The following VIPAS39 variants were observed in gnomAD, a reference collection of about 807,000 sequenced individuals.
VIPAS39 encodes spermatogenesis-defective protein 39 homolog.
VIPAS39 carries 63 observed loss-of-function variants against 84.7 expected under a neutral mutation model. The ratio of observed to expected loss-of-function variants is 0.74; its 90% CI spans 0.61 to 0.92. The LOEUF (loss-of-function observed/expected upper bound fraction) is 0.92. VIPAS39 is among the 40% of genes least tolerant of loss of function. The probability of loss-of-function intolerance (pLI) is 0.00; values close to 1 mark genes in which losing one functional copy is unlikely to be tolerated. For missense variants in VIPAS39, 499 were observed against 604.5 expected, an observed-to-expected ratio of 0.83 and a Z score of 1.83; for synonymous variants, 192 against 216.5, an observed-to-expected ratio of 0.89 and a Z score of 0.99.
intron 1 of VIPAS39, 133 bp downstream of exon 1, chr14:77,457,362 C>G (rs1458209347): frequency 3.9e-6 from 6 of 1,535,682 alleles, no homozygotes; most frequent in Non-Finnish European, 5.2e-6. Flanking sequence ...AAGGGTCGCC[C>G]TGACTGAAAG....
In VIPAS39 at chr14:77,435,735, T is replaced by C. The variant is rs374658395; in HGVS notation, c.912+109A>G. Reference sequence around the variant, plus strand: ...GTACAGGCAGAAAATGAAAGGCTTTTAGAAACCAGTAAGAAATGACCCACG... The same window carrying C: ...GTACAGGCAGAAAATGAAAGGCTTTCAGAAACCAGTAAGAAATGACCCACG... On this transcript the variant is annotated intron_variant, in intron 13 of 19. Transcript: ENST00000557658. 15 of 1,263,102 alleles carry C rather than the reference T, an allele frequency of 1.2e-5. No homozygotes were observed. The African/African-American group carries it at 1.9e-4, about 16-fold the overall frequency. 78.2% of individuals were successfully genotyped at this position (1,263,102 alleles called of 1,614,324 possible). A position where few individuals can be genotyped will look rare whatever the true frequency, so the allele number is the denominator to read the frequency against.
At position 77,430,385 on chromosome 14, in the gene VIPAS39, AAAGATCCCACAT is replaced by A. The variant is rs1414223185; in HGVS notation, c.1180-630_1180-619del. On this transcript the variant is annotated intron_variant, in intron 16 of 19. Coordinates refer to ENST00000557658, the MANE Select transcript of VIPAS39 (RefSeq NM_001193315.2). ...GTAAACTAATTCATATTGAACCGCC[AAAGATCCCACAT>A]AGCCAAAGCAATCAATGTTAAAGAA... Among the ~76,000 whole-genome samples, 3 of 152,298 alleles carry A rather than the reference AAAGATCCCACAT, an allele frequency of 2.0e-5. No homozygotes were observed. The East Asian group carries it at 5.8e-4, about 29-fold the overall frequency.
Position 77,433,890 on chromosome 14 carries a change from A to G in VIPAS39, c.1131T>C (p.Arg377=), listed in dbSNP as rs2078563715. 1 of 1,614,118 alleles carries G rather than the reference A, an allele frequency of 6.2e-7. No individual in the cohort carries two copies. Among genetic ancestry groups the G allele is most frequent in the East Asian group, 2.2e-5 (1 of 44,880 alleles). The change falls in exon 16 of 20, where the codon CGT becomes CGC. Residue 377 remains arginine (R), a synonymous_variant. Coordinates refer to ENST00000557658, the MANE Select transcript of VIPAS39 (RefSeq NM_001193315.2). ...CATCATTCCAGGCTCGAAGCTTGGC[A>G]CGAGCAGCCAGGGCTGTCAGCACAT... The part of the protein sequence containing the change: ...KQYVLTALAA[R]AKLRAWNDVD...
At chr14:77,439,165 T>G (rs1385810370) in intron 11 of VIPAS39, among the ~76,000 whole-genome samples, 1 of 152,190 alleles carries the variant, frequency 6.6e-6, no homozygotes, top group Non-Finnish European at 1.5e-5. Flanking sequence ...TTTACAAGGT[T>G]GAAAAACTCA....
At chr14:77,439,602 C>G (rs998896865) in intron 11 of VIPAS39, among the ~76,000 whole-genome samples, 21 of 152,068 alleles carry the variant, frequency 1.4e-4, no homozygotes, top group Admixed American at 5.9e-4. Context: ...GCCTGGCAAA[C>G]AAAGTGAGAC....
chr14:77,433,708 C>T, intron 16 of VIPAS39, 134 bp downstream of exon 16: 1 of 736,412 alleles, frequency 1.4e-6, no homozygotes, highest in Non-Finnish European at 2.2e-6. Context: ...TTCATTCTTT[C>T]AACTTTTCTT....
intron 12 of VIPAS39, among the ~76,000 whole-genome samples, chr14:77,437,060 G>A (rs1372648904): frequency 1.3e-5 from 2 of 152,184 alleles, no homozygotes; most frequent in East Asian, 3.9e-4. Flanking sequence ...TCAGTATTTG[G>A]TAACATTAAA....
intron 12 of VIPAS39, 69 bp downstream of exon 12, chr14:77,437,739 T>C: frequency 6.6e-7 from 1 of 1,523,650 alleles, no homozygotes. Flanking sequence ...CATTCCACCC[T>C]TTTTAATTTT....
intron 19 of VIPAS39, 44 bp downstream of exon 19, chr14:77,428,326 T>A: frequency 6.4e-7 from 1 of 1,563,388 alleles, no homozygotes; most frequent in Non-Finnish European, 8.8e-7. Flanking sequence ...TTGTGAACTG[T>A]CTGTCTCCTG....
In VIPAS39 at chr14:77,427,637, CT is replaced by C; in HGVS notation, c.1462-2del. The C allele has an allele frequency of 6.2e-7, 1 of 1,614,136 alleles. No homozygotes were observed. The highest frequency in any genetic ancestry group is 1.1e-5 in the South Asian group (1 of 91,084). On this transcript the variant is annotated splice_acceptor_variant, in intron 19 of 19. Transcript: ENST00000557658. LOFTEE classifies it high-confidence loss of function. ...CCACTTAATTCTTCCATCGAATTTG[CT>C]GTGGAAAGAGGAAACAATGAAAGTG...
Position 77,427,886 on chromosome 14 carries a change from G to C in VIPAS39, c.1462-250C>G, listed in dbSNP as rs188774247. Among the ~76,000 whole-genome samples the C allele has an allele frequency of 5.3e-5, 8 of 152,242 alleles. No individual in the cohort carries two copies. In the East Asian group the frequency reaches 1.4e-3, roughly 26 times the overall value. ...TTTTGGTCATTTGACCCTAAGGTAGGTTCCAAAATACCTAACAGGGAACTA... is the reference window on the plus strand; with the variant it reads ...TTTTGGTCATTTGACCCTAAGGTAGCTTCCAAAATACCTAACAGGGAACTA... On this transcript the variant is annotated intron_variant, in intron 19 of 19. Coordinates refer to ENST00000557658, the MANE Select transcript of VIPAS39 (RefSeq NM_001193315.2).
intron 14 of VIPAS39, among the ~76,000 whole-genome samples, chr14:77,434,902 G>GAA (rs553201076): frequency 2.3e-5 from 3 of 133,032 alleles, no homozygotes; most frequent in African/African-American, 2.7e-5. Flanking sequence ...CCATCTCAGA[G>GAA]AAAAAAAAAA....
rs142092502 is a variant in VIPAS39 at position 77,454,530 on chromosome 14, C to T, written c.1-428G>A. 7.0e-3 allele frequency among the ~76,000 whole-genome samples: 1,060 copies of T among 152,064 alleles called. 19 individuals are homozygous for T. The highest frequency in any genetic ancestry group is 0.037 in the South Asian group (177 of 4,816). On this transcript the variant is annotated intron_variant, in intron 1 of 19. Transcript: ENST00000557658. ...TCTCTACTAAAAATACAAAATTAGC[C>T]GGGCATGGTGGCGCATGCCTGTAAT...
In VIPAS39 at chr14:77,453,370, A is replaced by C; in HGVS notation, c.125T>G (p.Leu42Arg). ...GTCATCATCATCCACGAAGTCTCGG[A>C]GGCTGTTCACCGCCCGCTTGGACTC... ...LKESKRAVNS[L>R]RDFVDDDDDD... Residue 42 changes from leucine (L) to arginine (R), a missense_variant, in exon 3 of 20, where the codon CTC becomes CGC. Coordinates refer to ENST00000557658, the MANE Select transcript of VIPAS39 (RefSeq NM_001193315.2). 1 of 1,614,098 alleles carries C rather than the reference A, an allele frequency of 6.2e-7. No homozygotes were observed. Among genetic ancestry groups the C allele is most frequent in the Non-Finnish European group, 8.5e-7 (1 of 1,180,010 alleles).
In VIPAS39 at chr14:77,457,555, C is replaced by G; in HGVS notation, c.-61G>C. 1 of 645,648 alleles carries G rather than the reference C, an allele frequency of 1.5e-6. No individual in the cohort carries two copies. Among genetic ancestry groups the G allele is most frequent in the Admixed American group, 2.9e-5 (1 of 34,998 alleles). 40.0% of individuals were successfully genotyped at this position (645,648 alleles called of 1,614,324 possible). The stretch of plus-strand genomic sequence containing the variant: ...CCAGCCTCCGCCGCCGCTGGACCAG[C>G]CCTTCTATTCAGGCTGTGCAGCTTA... On this transcript the variant is annotated 5_prime_UTR_variant, in exon 1 of 20. Coordinates refer to ENST00000557658, the MANE Select transcript of VIPAS39 (RefSeq NM_001193315.2).
chr14:77,443,047 G>T, intron 9 of VIPAS39, 72 bp downstream of exon 9: 1 of 1,590,484 alleles, frequency 6.3e-7, no homozygotes, highest in Non-Finnish European at 8.6e-7. Flanking sequence ...TGGTATGAAA[G>T]GCACATGGCA....
At chr14:77,434,007 G>T in intron 15 of VIPAS39, 76 bp from the exon 16 acceptor site, 2 of 1,488,512 alleles carry the variant, frequency 1.3e-6, no homozygotes, top group Non-Finnish European at 1.9e-6. Flanking sequence ...TTTTAGAAAA[G>T]ACAGACATTA....
intron 1 of VIPAS39, among the ~76,000 whole-genome samples, chr14:77,456,181 T>C (rs180991214): frequency 6.6e-6 from 1 of 152,216 alleles, no homozygotes; most frequent in East Asian, 1.9e-4. Context: ...TAAATGGGCA[T>C]AACAGATGAC....
intron 15 of VIPAS39, 134 bp from the exon 16 acceptor site, chr14:77,434,065 C>T: frequency 8.2e-7 from 1 of 1,226,360 alleles, no homozygotes; most frequent in East Asian, 2.4e-5. Flanking sequence ...AAAAATTTCT[C>T]AGTTCAAGAA....
Sources: allele counts gnomAD v4.1 joint callset (sites outside exome capture counted in the v4.1 genomes callset), GRCh38; gene constraint gnomAD v4.1.1; transcripts MANE v1.5; gene names NCBI Gene and HGNC (gene_info 2026-07-23, HGNC 2026-07-21).